The following LRFN4 variants were observed in gnomAD, a reference collection of about 807,000 sequenced individuals.
LRFN4 encodes leucine-rich repeat and fibronectin type-III domain-containing protein 4.
In LRFN4, 10 loss-of-function variants were observed where a neutral mutation model predicts 29.0. The observed-to-expected ratio is 0.35, with a 90% confidence interval of 0.21 to 0.59. LRFN4 has a LOEUF of 0.59. LRFN4 is among the 20% of genes least tolerant of loss of function. The probability of loss-of-function intolerance (pLI) is 0.82; values close to 1 mark genes in which losing one functional copy is unlikely to be tolerated. For missense variants in LRFN4, 850 were observed against 907.9 expected, an observed-to-expected ratio of 0.94 and a Z score of 0.82; for synonymous variants, 493 against 437.0, an observed-to-expected ratio of 1.13 and a Z score of -1.60.
chr11:66,858,968 C>G lies in LRFN4; in HGVS notation c.1224C>G (p.Ala408=). The G allele has an allele frequency of 1.3e-6, 2 of 1,573,090 alleles. No individual in the cohort carries two copies. Among genetic ancestry groups the G allele is most frequent in the South Asian group, 1.2e-5 (1 of 86,450 alleles). ...EGEGTLESEP[A]VQVTEVTATS... ...AGGGGACGCTGGAGTCTGAGCCAGCCGTGCAGGTGACGGAGGTGACCGCCA... is the reference window on the plus strand; with the variant it reads ...AGGGGACGCTGGAGTCTGAGCCAGCGGTGCAGGTGACGGAGGTGACCGCCA... The change falls in exon 1 of 2, where the codon GCC becomes GCG. Residue 408 remains alanine (A), a synonymous_variant. Coordinates refer to ENST00000309602, the MANE Select transcript of LRFN4 (RefSeq NM_024036.5). This position sits in a 1 kb window ranked among gnomAD's most constrained non-coding sequence, Gnocchi z 5.9.
rs761503637 is a variant in LRFN4, at chr11:66,860,052, G to A, written c.1765G>A (p.Gly589Arg). ...GCAGCGCAGCTGCTCTCTGGACCTG[G>A]GAGATGCCGGGTGCTACGGTTATGC... ...RPQRSCSLDL[G>R]DAGCYGYARR... Residue 589 changes from glycine (G) to arginine (R), a missense_variant, in exon 2 of 2, where the codon GGA becomes AGA. Transcript: ENST00000309602. 4 of 1,571,190 alleles carry A rather than the reference G, an allele frequency of 2.5e-6. No homozygotes were observed. Among genetic ancestry groups the A allele is most frequent in the African/African-American group, 2.7e-5 (2 of 73,798 alleles).
At position 66,858,640 on chromosome 11, in the gene LRFN4, C is replaced by G. The variant is rs766244836; in HGVS notation, c.896C>G (p.Thr299Arg). ...RLWVLEGQRA[T>R]LRCRALGDPA... ...TGGGTGCTGGAAGGCCAGCGGGCCA[C>G]GCTGCGGTGCCGGGCCCTGGGTGAC... is the stretch of plus-strand genomic sequence containing the variant. The change falls in exon 1 of 2, where the codon ACG (threonine) becomes AGG (arginine). Residue 299 changes from threonine (T) to arginine (R), a missense_variant. By Grantham distance (71) the Thr-to-Arg change is moderately conservative. Around this residue, in one of 2 missense-constraint regions of LRFN4, gnomAD observed 744 missense variants for 753.8 expected, o/e 0.99. Transcript: ENST00000309602. The surrounding 1 kb of genome is among the most constrained non-coding windows in gnomAD (Gnocchi z 5.9). The G allele has an allele frequency of 6.5e-7, 1 of 1,538,660 alleles. No homozygotes were observed. The highest frequency in any genetic ancestry group is 1.4e-5 in the African/African-American group (1 of 73,004).
chr11:66,859,392 C>T (rs1251406076), intron 1 of LRFN4, among the ~76,000 whole-genome samples: 2 of 152,172 alleles, frequency 1.3e-5, no homozygotes, highest in East Asian at 3.8e-4. Flanking sequence ...CCCGCGCCCG[C>T]GTGTTATTTC....
In LRFN4 at chr11:66,858,701, C is replaced by G; in HGVS notation, c.957C>G (p.Asp319Glu). The G allele has an allele frequency of 6.4e-7, 1 of 1,550,736 alleles. No individual in the cohort carries two copies. Among genetic ancestry groups the G allele is most frequent in the Non-Finnish European group, 8.7e-7 (1 of 1,145,880 alleles). The change falls in exon 1 of 2, where the codon GAC becomes GAG. Residue 319 changes from aspartate to glutamate, a missense_variant. Coordinates refer to ENST00000309602, the MANE Select transcript of LRFN4 (RefSeq NM_024036.5). This position sits in a 1 kb window ranked among gnomAD's most constrained non-coding sequence, Gnocchi z 5.9. ...CCATGCACTGGGTCGGTCCTGACGA[C>G]CGGTTGGTTGGCAACTCCTCCCGAG... ...APTMHWVGPDDRLVGNSSRAR... is the reference protein window; with the variant it reads ...APTMHWVGPDERLVGNSSRAR...
In LRFN4 at chr11:66,859,055, C is replaced by G; in HGVS notation, c.1311C>G (p.Ile437Met). ...CCGACCCAGTGTGGATGTTCCAAAT[C>G]CAGTACAACAGCAGCGAAGATGAGA... ...RPADPVWMFQ[I>M]QYNSSEDETL... Residue 437 changes from isoleucine to methionine, a missense_variant, in exon 1 of 2, where the codon ATC becomes ATG. Physicochemically the swap from Ile to Met is conservative, Grantham distance 10 (BLOSUM62 1). Around this residue, in one of 2 missense-constraint regions of LRFN4, gnomAD observed 744 missense variants for 753.8 expected, o/e 0.99. Coordinates refer to ENST00000309602, the MANE Select transcript of LRFN4 (RefSeq NM_024036.5). 6.7e-7 allele frequency: 1 copy of G among 1,501,118 alleles called. No individual in the cohort carries two copies. The highest frequency in any genetic ancestry group is 8.9e-7 in the Non-Finnish European group (1 of 1,125,288). 93.0% of individuals were successfully genotyped at this position (1,501,118 alleles called of 1,614,324 possible).
At position 66,858,967 on chromosome 11, in the gene LRFN4, C is replaced by A. The variant is rs1297507742; in HGVS notation, c.1223C>A (p.Ala408Asp). The change falls in exon 1 of 2, where the codon GCC becomes GAC. Residue 408 changes from alanine (A) to aspartate (D), a missense_variant. Physicochemically the swap from Ala to Asp is moderately radical, Grantham distance 126. Transcript: ENST00000309602. The surrounding 1 kb of genome is among the most constrained non-coding windows in gnomAD (Gnocchi z 5.9). Reference sequence around the variant, plus strand: ...GAGGGGACGCTGGAGTCTGAGCCAGCCGTGCAGGTGACGGAGGTGACCGCC... The same window carrying A: ...GAGGGGACGCTGGAGTCTGAGCCAGACGTGCAGGTGACGGAGGTGACCGCC... The part of the protein sequence containing the change: ...EGEGTLESEP[A>D]VQVTEVTATS... 2 of 1,574,164 alleles carry A rather than the reference C, an allele frequency of 1.3e-6. No homozygotes were observed. The highest frequency in any genetic ancestry group is 1.7e-6 in the Non-Finnish European group (2 of 1,156,796).
rs1262331619 is a variant in LRFN4, at chr11:66,859,659, C to T, written c.1372C>T (p.His458Tyr). Residue 458 changes from histidine to tyrosine, a missense_variant, in exon 2 of 2, where the codon CAC becomes TAC. This residue lies in a region of LRFN4 where 744 missense variants were observed against 753.8 expected (regional missense o/e 0.99). Transcript: ENST00000309602. Reference sequence around the variant, plus strand: ...CAGGATTGTCCCAGCCTCCAGCCACCACTTCCTGCTGAAGCACCTCGTCCC... The same window carrying T: ...CAGGATTGTCCCAGCCTCCAGCCACTACTTCCTGCTGAAGCACCTCGTCCC... ...IYRIVPASSH[H>Y]FLLKHLVPGA... 7.4e-6 allele frequency: 12 copies of T among 1,613,060 alleles called. No homozygotes were observed. The African/African-American group carries it at 1.3e-4, about 18-fold the overall frequency.
At chr11:66,859,130 G>GCGCCCTTCCTC (rs745580158) in intron 1 of LRFN4, 37 bp downstream of exon 1, 2 of 1,473,024 alleles carry the variant, frequency 1.4e-6, no homozygotes, top group Admixed American at 2.5e-5. Context: ...TGCACTCCCG[G>GCGCCCTTCCTC]CGCCCTTCCT....
At position 66,859,917 on chromosome 11, in the gene LRFN4, G is replaced by T. The variant is rs752315580; in HGVS notation, c.1630G>T (p.Ala544Ser). The stretch of plus-strand genomic sequence containing the variant: ...GGCCTTGCTGGTTCGGGGCCGGGGG[G>T]CCGGAAATGGCCGCCTCCCCCTCAA... ...TVALLVRGRG[A>S]GNGRLPLKLS... is the part of the protein sequence containing the mutation. Residue 544 changes from alanine (A) to serine (S), a missense_variant, in exon 2 of 2, where the codon GCC becomes TCC. Physicochemically the swap from Ala to Ser is moderately conservative, Grantham distance 99. Transcript: ENST00000309602. 5.7e-6 allele frequency: 9 copies of T among 1,583,648 alleles called. No homozygotes were observed. The highest frequency in any genetic ancestry group is 1.9e-4 in the Middle Eastern group (1 of 5,318).
Position 66,858,391 on chromosome 11 carries a change from G to C in LRFN4, c.647G>C (p.Arg216Pro). 1 of 1,566,836 alleles carries C rather than the reference G, an allele frequency of 6.4e-7. No individual in the cohort carries two copies. The highest frequency in any genetic ancestry group is 8.6e-7 in the Non-Finnish European group (1 of 1,161,490). ...ATLAPDPLFS[R>P]GRDAEASPAP... ...CTGGCTCCGGACCCGCTTTTCTCTC[G>C]TGGGCGTGATGCAGAGGCCTCTCCC... The change falls in exon 1 of 2, where the codon CGT becomes CCT. Residue 216 changes from arginine (R) to proline (P), a missense_variant. Physicochemically the swap from Arg to Pro is moderately radical, Grantham distance 103. This residue lies in a region of LRFN4 where 744 missense variants were observed against 753.8 expected (regional missense o/e 0.99). Transcript: ENST00000309602. This position sits in a 1 kb window ranked among gnomAD's most constrained non-coding sequence, Gnocchi z 5.9.
Position 66,859,754 on chromosome 11 carries a change from C to G in LRFN4, c.1467C>G (p.Thr489=), listed in dbSNP as rs201403726. The change falls in exon 2 of 2, where the codon ACC becomes ACG. Residue 489 remains threonine (T), a synonymous_variant. Coordinates refer to ENST00000309602, the MANE Select transcript of LRFN4 (RefSeq NM_024036.5). Reference sequence around the variant, plus strand: ...CTGGGCCCTCTGACCTCACGGCCACCAGGCTGCTGGGCTGTGCCCATTTCT... The same window carrying G: ...CTGGGCCCTCTGACCTCACGGCCACGAGGCTGCTGGGCTGTGCCCATTTCT... The part of the protein sequence containing the change: ...PAAGPSDLTA[T]RLLGCAHFST... 1.5e-4 allele frequency: 243 copies of G among 1,608,688 alleles called. 2 individuals carry two copies. In the South Asian group the frequency reaches 2.2e-3, roughly 15 times the overall value.
Position 66,859,853 on chromosome 11 carries a change from G to C in LRFN4, c.1566G>C (p.Val522=), listed in dbSNP as rs142190580. 22 of 1,564,358 alleles carry C rather than the reference G, an allele frequency of 1.4e-5. No homozygotes were observed. Among genetic ancestry groups the C allele is most frequent in the Non-Finnish European group, 1.9e-5 (22 of 1,154,472 alleles). ...HVLGGTLTVA[V]GGVLVAALLV... Reference sequence around the variant, plus strand: ...TGGGCGGGACCCTGACCGTGGCCGTGGGGGGTGTGCTGGTGGCTGCCTTAC... The same window carrying C: ...TGGGCGGGACCCTGACCGTGGCCGTCGGGGGTGTGCTGGTGGCTGCCTTAC... Residue 522 remains valine (V), a synonymous_variant, in exon 2 of 2, where the codon GTG becomes GTC. Coordinates refer to ENST00000309602, the MANE Select transcript of LRFN4 (RefSeq NM_024036.5).
In LRFN4 at chr11:66,858,536, C is replaced by T. The variant is rs184634237; in HGVS notation, c.792C>T (p.Ala264=). Residue 264 remains alanine (A), a synonymous_variant, in exon 1 of 2, where the codon GCC becomes GCT. Transcript: ENST00000309602. The surrounding 1 kb of genome is among the most constrained non-coding windows in gnomAD (Gnocchi z 5.9). Reference sequence around the variant, plus strand: ...CGTGCGCCTCCCCGCCCGGCCTGGCCGGCCGCTACTTCTGGGCAGTGCCCG... The same window carrying T: ...CGTGCGCCTCCCCGCCCGGCCTGGCTGGCCGCTACTTCTGGGCAGTGCCCG... ...LETCASPPGL[A]GRYFWAVPEG... 2,671 of 1,533,796 alleles carry T rather than the reference C, an allele frequency of 1.7e-3. 53 individuals are homozygous for T. The African/African-American group carries it at 0.031, about 18-fold the overall frequency.
rs529211749 is a variant in LRFN4 at position 66,859,367 on chromosome 11, G to A, written c.1350-270G>A. Among the ~76,000 whole-genome samples the A allele has an allele frequency of 2.8e-4, 43 of 152,310 alleles. No individual in the cohort carries two copies. In the South Asian group the frequency reaches 7.9e-3, roughly 28 times the overall value. ...CCGGCAGCAGGTGGCGGTTGGGTCT[G>A]TCTGAAGCACATGGCCCGCGCCCGC... On this transcript the variant is annotated intron_variant, in intron 1 of 1. Coordinates refer to ENST00000309602, the MANE Select transcript of LRFN4 (RefSeq NM_024036.5).
rs1334537906 is a variant in LRFN4 at position 66,858,699 on chromosome 11, G to A, written c.955G>A (p.Asp319Asn). 10 of 1,550,354 alleles carry A rather than the reference G, an allele frequency of 6.5e-6. No homozygotes were observed. The highest frequency in any genetic ancestry group is 2.4e-5 in the East Asian group (1 of 41,348). ...APTMHWVGPDDRLVGNSSRAR... is the reference protein window; with the variant it reads ...APTMHWVGPDNRLVGNSSRAR... ...TACCATGCACTGGGTCGGTCCTGACGACCGGTTGGTTGGCAACTCCTCCCG... is the reference window on the plus strand; with the variant it reads ...TACCATGCACTGGGTCGGTCCTGACAACCGGTTGGTTGGCAACTCCTCCCG... The change falls in exon 1 of 2, where the codon GAC (aspartate) becomes AAC (asparagine). Residue 319 changes from aspartate to asparagine, a missense_variant. Asp to Asn is a conservative substitution (Grantham distance 23). Coordinates refer to ENST00000309602, the MANE Select transcript of LRFN4 (RefSeq NM_024036.5). This position sits in a 1 kb window ranked among gnomAD's most constrained non-coding sequence, Gnocchi z 5.9.
Position 66,858,477 on chromosome 11 carries a change from C to A in LRFN4, c.733C>A (p.Leu245Met). The A allele has an allele frequency of 6.5e-7, 1 of 1,543,264 alleles. No individual in the cohort carries two copies. Among genetic ancestry groups the A allele is most frequent in the Non-Finnish European group, 8.7e-7 (1 of 1,150,974 alleles). ...PLHCNCELLW[L>M]RRLARPDDLE... ...GCACTGCAACTGTGAGCTGCTGTGG[C>A]TGCGGCGGCTGGCGCGGCCGGACGA... Residue 245 changes from leucine (L) to methionine (M), a missense_variant, in exon 1 of 2, where the codon CTG becomes ATG. This residue lies in a region of LRFN4 where 744 missense variants were observed against 753.8 expected (regional missense o/e 0.99). Transcript: ENST00000309602. This position sits in a 1 kb window ranked among gnomAD's most constrained non-coding sequence, Gnocchi z 5.9.
Position 66,857,886 on chromosome 11 carries a change from C to T in LRFN4, c.142C>T (p.Arg48Trp), listed in dbSNP as rs773420041. Residue 48 changes from arginine (R) to tryptophan (W), a missense_variant, in exon 1 of 2, where the codon CGG becomes TGG. Arg to Trp is a moderately radical substitution (Grantham distance 101). Around this residue, in one of 2 missense-constraint regions of LRFN4, gnomAD observed 106 missense variants for 154.2 expected, o/e 0.69. Transcript: ENST00000309602. The surrounding 1 kb of genome is among the most constrained non-coding windows in gnomAD (Gnocchi z 7.1). ...GLLFVPPNVD[R>W]RTVELRLADN... ...GCTGTTTGTGCCGCCCAACGTGGAC[C>T]GGCGCACAGTGGAGCTGCGGCTGGC... is the stretch of plus-strand genomic sequence containing the variant. 12 of 1,611,316 alleles carry T rather than the reference C, an allele frequency of 7.4e-6. No individual in the cohort carries two copies. Among genetic ancestry groups the T allele is most frequent in the Admixed American group, 5.0e-5 (3 of 59,992 alleles).
Position 66,860,308 on chromosome 11 carries a change from C to A in LRFN4, c.*113C>A. 7.0e-7 allele frequency: 1 copy of A among 1,424,838 alleles called. No homozygotes were observed. The highest frequency in any genetic ancestry group is 9.6e-7 in the Non-Finnish European group (1 of 1,045,168). 88.3% of individuals were successfully genotyped at this position (1,424,838 alleles called of 1,614,324 possible). A position where few individuals can be genotyped will look rare whatever the true frequency, so the allele number is the denominator to read the frequency against. Reference sequence around the variant, plus strand: ...TGGTTTTTATTCTCAGTACCTCAGGCTCCCCTGTGTACTTGGAGGGGCAGG... The same window carrying A: ...TGGTTTTTATTCTCAGTACCTCAGGATCCCCTGTGTACTTGGAGGGGCAGG... On this transcript the variant is annotated 3_prime_UTR_variant, in exon 2 of 2. Transcript: ENST00000309602.
At position 66,858,443 on chromosome 11, in the gene LRFN4, G is replaced by A. The variant is rs1177638355; in HGVS notation, c.699G>A (p.Gly233=). 8 of 1,552,078 alleles carry A rather than the reference G, an allele frequency of 5.2e-6. No homozygotes were observed. Among genetic ancestry groups the A allele is most frequent in the Non-Finnish European group, 6.9e-6 (8 of 1,155,124 alleles). The change falls in exon 1 of 2, where the codon GGG becomes GGA. Residue 233 remains glycine (G), a synonymous_variant. Transcript: ENST00000309602. This position sits in a 1 kb window ranked among gnomAD's most constrained non-coding sequence, Gnocchi z 5.9. ...CCCCCCTGGTGCTGAGCTTTAGCGG[G>A]AACCCCCTGCACTGCAACTGTGAGC... ...SPAPLVLSFS[G]NPLHCNCELL...
Sources: allele counts gnomAD v4.1 joint callset (sites outside exome capture counted in the v4.1 genomes callset), GRCh38; gene constraint gnomAD v4.1.1; regional missense constraint gnomAD v4.1.1; non-coding constraint Gnocchi (gnomAD v3.1); transcripts MANE v1.5; gene names NCBI Gene and HGNC (gene_info 2026-07-23, HGNC 2026-07-21).